Variants in ADAMTS12 observed in about 807,000 individuals in gnomAD.
ADAMTS12 encodes the protein A disintegrin and metalloproteinase with thrombospondin motifs 12.
A neutral mutation model predicts 167.8 loss-of-function variants in ADAMTS12; 118 were observed. The observed-to-expected ratio is 0.70, with a 90% confidence interval of 0.61 to 0.82. ADAMTS12 has a LOEUF of 0.82. Ranked by LOEUF, ADAMTS12 falls within the 40% of genes least tolerant of loss-of-function variation. ADAMTS12 has a pLI of 0.00. For synonymous variants in ADAMTS12, 704 were observed against 716.9 expected, an observed-to-expected ratio of 0.98 and a Z score of 0.29; for missense variants, 1,916 against 1,998.8, an observed-to-expected ratio of 0.96 and a Z score of 0.79.
At chr5:33,720,104 C>T (rs1665175474) in intron 3 of ADAMTS12, among the ~76,000 whole-genome samples, 1 of 151,986 alleles carries the variant, frequency 6.6e-6, no homozygotes, top group Non-Finnish European at 1.5e-5. Flanking sequence ...TAAAAACATC[C>T]AGACATCCAT....
intron 5 of ADAMTS12, among the ~76,000 whole-genome samples, chr5:33,676,377 G>C (rs1033582607): frequency 2.6e-5 from 4 of 152,092 alleles, no homozygotes; most frequent in Non-Finnish European, 5.9e-5. Flanking sequence ...GAAAGAAAGA[G>C]GATGAGCAGA....
chr5:33,810,206 A>G (rs1162508708), intron 2 of ADAMTS12, among the ~76,000 whole-genome samples: 1 of 152,140 alleles, frequency 6.6e-6, no homozygotes, highest in Non-Finnish European at 1.5e-5. Context: ...CTGGTAGCAG[A>G]AAAAAATGCT....
rs113614876 is a variant in ADAMTS12 at position 33,799,156 on chromosome 5, T to C, written c.490-47608A>G. Among the ~76,000 whole-genome samples the C allele has an allele frequency of 1.9e-3, 284 of 152,316 alleles. 1 individual carries two copies. Among genetic ancestry groups the C allele is most frequent in the African/African-American group, 6.5e-3 (269 of 41,572 alleles). ...AAGATGAGAACGACCAGTGTGGGCA[T>C]GTGTGCTCCAGAAGCAGCACTAGAA... On this transcript the variant is annotated intron_variant, in intron 2 of 23. Transcript: ENST00000504830.
At chr5:33,828,546 T>C (rs552178115) in intron 2 of ADAMTS12, among the ~76,000 whole-genome samples, 1 of 152,342 alleles carries the variant, frequency 6.6e-6, no homozygotes, top group East Asian at 1.9e-4. Context: ...TTAAGAAATA[T>C]GTTCCTACCA....
intron 2 of ADAMTS12, among the ~76,000 whole-genome samples, chr5:33,831,894 G>A (rs1361445557): frequency 3.9e-5 from 6 of 152,188 alleles, no homozygotes; most frequent in Admixed American, 2.0e-4. Flanking sequence ...CTAGAAGTGG[G>A]GAGGTCCTCT....
At chr5:33,569,642 G>A (rs924792780) in intron 19 of ADAMTS12, among the ~76,000 whole-genome samples, 6 of 152,086 alleles carry the variant, frequency 3.9e-5, no homozygotes, top group Admixed American at 2.0e-4. Context: ...CACAAAGATG[G>A]GGAAAAAACA....
chr5:33,558,656 C>G (rs1745594476), intron 20 of ADAMTS12, among the ~76,000 whole-genome samples: 1 of 152,160 alleles, frequency 6.6e-6, no homozygotes, highest in South Asian at 2.1e-4. Flanking sequence ...TGGAGCTGAC[C>G]TTTTCAAAAC....
chr5:33,530,086 A>ATTTT (rs35615625), intron 23 of ADAMTS12, among the ~76,000 whole-genome samples: 3 of 149,678 alleles, frequency 2.0e-5, no homozygotes, highest in South Asian at 2.1e-4. Context: ...TGCCCAGCTA[A>ATTTT]TTTTTTTTTT....
intron 20 of ADAMTS12, among the ~76,000 whole-genome samples, chr5:33,552,180 T>C (rs1723543760): frequency 6.6e-6 from 1 of 152,228 alleles, no homozygotes; most frequent in Non-Finnish European, 1.5e-5. Flanking sequence ...CAAAACCTTT[T>C]CTTTCTTGTG....
At chr5:33,747,941 G>A (rs114157969) in intron 3 of ADAMTS12, among the ~76,000 whole-genome samples, 3 of 152,180 alleles carry the variant, frequency 2.0e-5, no homozygotes, top group African/African-American at 7.2e-5. Flanking sequence ...AAAACCTGGC[G>A]CAAAGAAGAT....
At chr5:33,695,001 G>C (rs1484898560) in intron 3 of ADAMTS12, among the ~76,000 whole-genome samples, 1 of 152,140 alleles carries the variant, frequency 6.6e-6, no homozygotes, top group African/African-American at 2.4e-5. Context: ...TATCCATCTA[G>C]GGTCTCCTAG....
Position 33,849,319 on chromosome 5 carries a change from C to CAA in ADAMTS12, c.489+31799_489+31800insTT, listed in dbSNP as rs774623102. On this transcript the variant is annotated intron_variant, in intron 2 of 23. Coordinates refer to ENST00000504830, the MANE Select transcript of ADAMTS12 (RefSeq NM_030955.4). ...CAATATATATATATGTATTGCATAG[C>CAA]TATATATATATGTATTGAATAGCAA... is the stretch of plus-strand genomic sequence containing the variant. Among the ~76,000 whole-genome samples the CAA allele has an allele frequency of 5.5e-4, 48 of 86,986 alleles. 2 individuals are homozygous for CAA. The highest frequency in any genetic ancestry group is 6.8e-4 in the Non-Finnish European group (30 of 44,100). 57.1% of individuals were successfully genotyped at this position (86,986 alleles called of 152,430 possible). A position where few individuals can be genotyped will look rare whatever the true frequency, so the allele number is the denominator to read the frequency against.
At chr5:33,753,147 G>A (rs546304796) in intron 2 of ADAMTS12, among the ~76,000 whole-genome samples, 13 of 152,290 alleles carry the variant, frequency 8.5e-5, no homozygotes, top group East Asian at 1.9e-4. Context: ...AGGGCTGTTC[G>A]GGGAATCAAA....
At chr5:33,553,761 G>T (rs923337139) in intron 20 of ADAMTS12, among the ~76,000 whole-genome samples, 2 of 152,020 alleles carry the variant, frequency 1.3e-5, no homozygotes, top group Non-Finnish European at 2.9e-5. Flanking sequence ...ATAACTAATG[G>T]GCACTAGGCT....
intron 1 of ADAMTS12, among the ~76,000 whole-genome samples, chr5:33,883,327 G>GTTTTTTTTT (rs79064946): frequency 3.5e-4 from 39 of 111,594 alleles, no homozygotes; most frequent in African/African-American, 1.0e-3. Flanking sequence ...TTTTTTTTTT[G>GTTTTTTTTT]TTTTTTTTTT....
At chr5:33,560,009 T>C (rs1745660277) in intron 20 of ADAMTS12, among the ~76,000 whole-genome samples, 1 of 152,266 alleles carries the variant, frequency 6.6e-6, no homozygotes, top group Non-Finnish European at 1.5e-5. Flanking sequence ...ATTCGCTTTG[T>C]AAAGCACAGG....
chr5:33,884,279 T>C (rs983021969), intron 1 of ADAMTS12, among the ~76,000 whole-genome samples: 2 of 152,156 alleles, frequency 1.3e-5, no homozygotes, highest in African/African-American at 4.8e-5. Flanking sequence ...GCATCCTCTT[T>C]GGCATCTTTT....
At chr5:33,666,020 C>T (rs1462408319) in intron 5 of ADAMTS12, among the ~76,000 whole-genome samples, 6 of 152,218 alleles carry the variant, frequency 3.9e-5, no homozygotes, top group Non-Finnish European at 7.3e-5. Flanking sequence ...AAGTAACCAA[C>T]GGAATCCTCT....
intron 2 of ADAMTS12, among the ~76,000 whole-genome samples, chr5:33,830,459 C>A (rs1042838796): frequency 6.6e-6 from 1 of 152,086 alleles, no homozygotes; most frequent in South Asian, 2.1e-4. Flanking sequence ...TGTCTGGGGA[C>A]GAGAGGTCCT....
Sources: gnomAD v4.1 joint callset for allele counts (sites outside exome capture counted in the v4.1 genomes callset) on GRCh38, gnomAD v4.1.1 for gene constraint, MANE v1.5 for transcripts, NCBI Gene and HGNC (gene_info 2026-07-23, HGNC 2026-07-21) for gene names.